Variants in KCNA3 observed in about 807,000 individuals in gnomAD.
The protein encoded by KCNA3 is RP11-284N8.3.
A neutral mutation model predicts 34.3 loss-of-function variants in KCNA3; 18 were observed. That is an observed-to-expected ratio of 0.52 (90% CI 0.36 to 0.78). The LOEUF is 0.78. Ranked by LOEUF, KCNA3 falls within the 30% of genes least tolerant of loss-of-function variation. The probability of loss-of-function intolerance (pLI) is 0.00; values close to 1 mark genes in which losing one functional copy is unlikely to be tolerated. For missense variants in KCNA3, 587 were observed against 802.5 expected (o/e 0.73, Z 3.24); for synonymous variants, 324 against 351.7 (o/e 0.92, Z 0.88).
At chr1:110,660,120 AT>A in the KCNA3 span, among the ~76,000 whole-genome samples, 12 of 152,316 alleles carry the variant, frequency 7.9e-5, no homozygotes, top group African/African-American at 2.9e-4. Flanking sequence ...TTCATTATAT[AT>A]TTTTTAAATG....
At chr1:110,659,263 G>A in the KCNA3 span, among the ~76,000 whole-genome samples, 2 of 150,682 alleles carry the variant, frequency 1.3e-5, no homozygotes, top group Non-Finnish European at 2.9e-5. Flanking sequence ...TATAGTTTTT[G>A]GATGATTCGA....
In KCNA3 at chr1:110,674,317, A is replaced by C. The variant is rs1484798868; in HGVS notation, c.493T>G (p.Ser165Ala). 1.1e-5 allele frequency: 17 copies of C among 1,613,914 alleles called. No individual in the cohort carries two copies. Among genetic ancestry groups the C allele is most frequent in the Non-Finnish European group, 1.4e-5 (16 of 1,179,988 alleles). Residue 165 changes from serine to alanine, a missense_variant, in exon 1 of 1, where the codon TCC becomes GCC. This residue lies in a region of KCNA3 where 341 missense variants were observed against 355.4 expected (regional missense o/e 0.96). Coordinates refer to ENST00000369769, the MANE Select transcript of KCNA3 (RefSeq NM_002232.5). This position sits in a 1 kb window ranked among gnomAD's most constrained non-coding sequence, Gnocchi z 6.4. The part of the protein sequence containing the change: ...SFDAILYYYQ[S>A]GGRIRRPVNV... ...ACCGGCCGGCGGATGCGGCCCCCGGACTGATAGTAGTAGAGGATGGCGTCG... is the reference window on the plus strand; with the variant it reads ...ACCGGCCGGCGGATGCGGCCCCCGGCCTGATAGTAGTAGAGGATGGCGTCG...
At position 110,674,246 on chromosome 1, in the gene KCNA3, C is replaced by G. The variant is rs1651997246; in HGVS notation, c.564G>C (p.Gln188His). ...DIFSEEIRFY[Q>H]LGEEAMEKFR... The stretch of plus-strand genomic sequence containing the variant: ...ACTTCTCCATGGCCTCCTCGCCCAG[C>G]TGGTAGAAGCGGATCTCCTCGGAGA... Residue 188 changes from glutamine (Q) to histidine (H), a missense_variant, in exon 1 of 1, where the codon CAG (glutamine) becomes CAC (histidine). Transcript: ENST00000369769. The surrounding 1 kb of genome is among the most constrained non-coding windows in gnomAD (Gnocchi z 6.4). The G allele has an allele frequency of 6.2e-7, 1 of 1,614,062 alleles. No homozygotes were observed. The highest frequency in any genetic ancestry group is 1.3e-5 in the African/African-American group (1 of 75,062).
At position 110,674,211 on chromosome 1, in the gene KCNA3, TC is replaced by T; in HGVS notation, c.598del (p.Asp200ThrfsTer129). ...GEEAMEKFRE[D>X]EGFLREEERP... ...CTCCTCCTCCCGCAGGAAGCCCTCGTCCTCGCGGAACTTCTCCATGGCCTCC... is the reference window on the plus strand; with the variant it reads ...CTCCTCCTCCCGCAGGAAGCCCTCGTCTCGCGGAACTTCTCCATGGCCTCC... On this transcript the variant is annotated frameshift_variant, in exon 1 of 1. Transcript: ENST00000369769. LOFTEE classifies it high-confidence loss of function. The surrounding 1 kb of genome is among the most constrained non-coding windows in gnomAD (Gnocchi z 6.4). The T allele has an allele frequency of 1.2e-6, 2 of 1,613,350 alleles. No individual in the cohort carries two copies. Among genetic ancestry groups the T allele is most frequent in the Non-Finnish European group, 1.7e-6 (2 of 1,179,602 alleles).
the KCNA3 span, among the ~76,000 whole-genome samples, chr1:110,661,759 G>T: frequency 6.6e-6 from 1 of 152,252 alleles, no homozygotes; most frequent in African/African-American, 2.4e-5. Context: ...TAAAGTATAG[G>T]TGTGGAGGGG....
chr1:110,656,005 A>G, the KCNA3 span: 1 of 152,156 alleles, frequency 6.6e-6, no homozygotes, highest in East Asian at 1.9e-4. Context: ...ATATGGCTGT[A>G]TTAGGCCTCC....
At chr1:110,671,550 T>C (rs1651891144), downstream of KCNA3, among the ~76,000 whole-genome samples, 1 of 152,228 alleles carries the variant, frequency 6.6e-6, no homozygotes, top group Admixed American at 6.5e-5. Flanking sequence ...ATCTGGTTAC[T>C]TCCTGTCCCT....
Position 110,673,775 on chromosome 1 carries a change from G to C in KCNA3, c.1035C>G (p.Thr345=), listed in dbSNP as rs17853386. 1.8e-5 allele frequency: 29 copies of C among 1,613,984 alleles called. No homozygotes were observed. The highest frequency in any genetic ancestry group is 1.7e-5 in the Admixed American group (1 of 59,994). ...AIIPYFITLG[T]ELAERQGNGQ... ...CATTGCCCTGTCGTTCGGCCAGCTCGGTACCCAGAGTGATAAAATAAGGAA... is the reference window on the plus strand; with the variant it reads ...CATTGCCCTGTCGTTCGGCCAGCTCCGTACCCAGAGTGATAAAATAAGGAA... Residue 345 remains threonine, a synonymous_variant, in exon 1 of 1, where the codon ACC becomes ACG. Coordinates refer to ENST00000369769, the MANE Select transcript of KCNA3 (RefSeq NM_002232.5). This position sits in a 1 kb window ranked among gnomAD's most constrained non-coding sequence, Gnocchi z 8.8.
downstream of KCNA3, chr1:110,672,333 A>T (rs1030916052): frequency 6.6e-6 from 1 of 152,668 alleles, no homozygotes; most frequent in African/African-American, 2.4e-5. Context: ...CACTGAAAAC[A>T]TCTGTTTCTA....
rs376424861 is a variant in KCNA3, at chr1:110,673,030, A to C, written c.*52T>G. 4 of 1,532,866 alleles carry C rather than the reference A, an allele frequency of 2.6e-6. No homozygotes were observed. Among genetic ancestry groups the C allele is most frequent in the Non-Finnish European group, 3.5e-6 (4 of 1,128,856 alleles). The allele number at this position is 1,532,866 out of a possible 1,614,324, so 95.0% of individuals were successfully genotyped here. ...ATAAAACAAGGGCATAGGCAGACCA[A>C]GGGGGCACGTTCCACACAATACTGA... On this transcript the variant is annotated 3_prime_UTR_variant, in exon 1 of 1. Coordinates refer to ENST00000369769, the MANE Select transcript of KCNA3 (RefSeq NM_002232.5). This position sits in a 1 kb window ranked among gnomAD's most constrained non-coding sequence, Gnocchi z 8.8.
Position 110,674,089 on chromosome 1 carries a change from C to A in KCNA3, c.721G>T (p.Val241Leu). Residue 241 changes from valine (V) to leucine (L), a missense_variant, in exon 1 of 1, where the codon GTG (valine) becomes TTG (leucine). Val to Leu is a conservative substitution (Grantham distance 32). Coordinates refer to ENST00000369769, the MANE Select transcript of KCNA3 (RefSeq NM_002232.5). This position sits in a 1 kb window ranked among gnomAD's most constrained non-coding sequence, Gnocchi z 6.4. Reference sequence around the variant, plus strand: ...ACAATGGAGATGAGGATGACCAGCACGGACACGATGGCGATGCCCCGGGCC... The same window carrying A: ...ACAATGGAGATGAGGATGACCAGCAAGGACACGATGGCGATGCCCCGGGCC... ...GPARGIAIVS[V>L]LVILISIVIF... 6 of 1,609,560 alleles carry A rather than the reference C, an allele frequency of 3.7e-6. No individual in the cohort carries two copies. The highest frequency in any genetic ancestry group is 5.1e-6 in the Non-Finnish European group (6 of 1,178,000).
chr1:110,673,991 T>A lies in KCNA3; in HGVS notation c.819A>T (p.Ser273=). The A allele has an allele frequency of 1.2e-6, 2 of 1,613,786 alleles. No homozygotes were observed. The highest frequency in any genetic ancestry group is 2.2e-5 in the South Asian group (2 of 91,064). ...KDYPASTSQD[S]FEAAGNSTSG... ...ACGTGCTGTTGCCGGCTGCTTCGAA[T>A]GAGTCCTGCGACGTCGAGGCGGGGT... The change falls in exon 1 of 1, where the codon TCA becomes TCT. Residue 273 remains serine, a synonymous_variant. Transcript: ENST00000369769. This position sits in a 1 kb window ranked among gnomAD's most constrained non-coding sequence, Gnocchi z 8.8.
At position 110,673,591 on chromosome 1, in the gene KCNA3, T is replaced by C; in HGVS notation, c.1219A>G (p.Ile407Val). 1 of 1,613,988 alleles carries C rather than the reference T, an allele frequency of 6.2e-7. No individual in the cohort carries two copies. Among genetic ancestry groups the C allele is most frequent in the Non-Finnish European group, 8.5e-7 (1 of 1,179,988 alleles). ...ELGLLIFFLF[I>V]GVILFSSAVY... ...GCGCTGGAGAAAAGGATGACCCCAA[T>C]AAAGAGGAAGAAGATGAGCAATCCC... is the stretch of plus-strand genomic sequence containing the variant. Residue 407 changes from isoleucine (I) to valine (V), a missense_variant, in exon 1 of 1, where the codon ATT becomes GTT. Coordinates refer to ENST00000369769, the MANE Select transcript of KCNA3 (RefSeq NM_002232.5). This position sits in a 1 kb window ranked among gnomAD's most constrained non-coding sequence, Gnocchi z 8.8.
the KCNA3 span, chr1:110,653,870 AATG>A: frequency 1.3e-5 from 2 of 152,234 alleles, no homozygotes; most frequent in African/African-American, 2.4e-5. Context: ...ACTGCTTAAG[AATG>A]ATTATTTCAT....
the KCNA3 span, among the ~76,000 whole-genome samples, chr1:110,665,156 A>T: frequency 6.6e-6 from 1 of 152,232 alleles, no homozygotes; most frequent in Non-Finnish European, 1.5e-5. Context: ...CTTGACACAA[A>T]GATGTAATAT....
chr1:110,673,162 C>T lies in KCNA3; in HGVS notation c.1648G>A (p.Gly550Ser). ...GTGGTGCAGGTGGCAGTGGAATTGC[C>T]CGTTTTGAAAGGGGTCTGGGGGAAA... Reference protein sequence around the residue: ...SAFPQTPFKTGNSTATCTTNN... With the variant: ...SAFPQTPFKTSNSTATCTTNN... The change falls in exon 1 of 1, where the codon GGC (glycine) becomes AGC (serine). Residue 550 changes from glycine to serine, a missense_variant. Physicochemically the swap from Gly to Ser is moderately conservative, Grantham distance 56 (BLOSUM62 0). Transcript: ENST00000369769. This position sits in a 1 kb window ranked among gnomAD's most constrained non-coding sequence, Gnocchi z 8.8. 1.2e-6 allele frequency: 2 copies of T among 1,614,012 alleles called. No individual in the cohort carries two copies. The highest frequency in any genetic ancestry group is 1.1e-5 in the South Asian group (1 of 91,054).
downstream of KCNA3, among the ~76,000 whole-genome samples, chr1:110,667,473 A>T (rs114725379): frequency 8.5e-3 from 1,299 of 152,308 alleles, 19 homozygotes; most frequent in African/African-American, 0.03. Flanking sequence ...TATTCATAAC[A>T]TTCTTTAGAT....
chr1:110,672,937 G>T lies in KCNA3; in HGVS notation c.*145C>A, dbSNP rs532619698. On this transcript the variant is annotated 3_prime_UTR_variant, in exon 1 of 1. Transcript: ENST00000369769. ...CACCTGTTTCAGTATGAAGCAGCAG[G>T]GAGAGGGAGAATGAAGTGTGCTTTC... 2 of 803,758 alleles carry T rather than the reference G, an allele frequency of 2.5e-6. No individual in the cohort carries two copies. Among genetic ancestry groups the T allele is most frequent in the South Asian group, 3.6e-5 (2 of 56,006 alleles). 49.8% of individuals were successfully genotyped at this position (803,758 alleles called of 1,614,324 possible).
chr1:110,669,121 C>T (rs935750287), downstream of KCNA3, among the ~76,000 whole-genome samples: 1 of 152,172 alleles, frequency 6.6e-6, no homozygotes, highest in Non-Finnish European at 1.5e-5. Context: ...TCTCATTCTG[C>T]TTTTAATACT....
Sources: allele counts gnomAD v4.1 joint callset (sites outside exome capture counted in the v4.1 genomes callset), GRCh38; gene constraint gnomAD v4.1.1; regional missense constraint gnomAD v4.1.1; non-coding constraint Gnocchi (gnomAD v3.1); transcripts MANE v1.5; gene names NCBI Gene and HGNC (gene_info 2026-07-23, HGNC 2026-07-21).